Variants in CHODL observed in about 807,000 individuals in gnomAD.
The protein encoded by CHODL is chondrolectin, also known as transmembrane protein MT75.
Under a neutral mutation model 34.5 loss-of-function variants are expected in CHODL, and 29 were observed. The observed-to-expected ratio is 0.84, with a 90% CI of 0.63 to 1.15. The LOEUF (loss-of-function observed/expected upper bound fraction) is 1.15, where lower values mean the gene tolerates loss of function less well. Among genes scored for constraint, CHODL ranks in the 50% most tolerant of loss-of-function variants. The pLI, the probability that CHODL is intolerant of heterozygous loss-of-function variation, is 0.00. For synonymous variants in CHODL, 125 were observed against 116.1 expected (o/e 1.08, Z -0.49); for missense variants, 332 against 332.5 (o/e 1.00, Z 0.01).
intron 2 of CHODL, among the ~76,000 whole-genome samples, chr21:18,164,090 A>G (rs2073127138): frequency 6.6e-6 from 1 of 152,204 alleles, no homozygotes; most frequent in Non-Finnish European, 1.5e-5. Context: ...TCCAGGCATC[A>G]GCACTATTCC....
chr21:18,021,503 T>C (rs1163620329), intron 1 of CHODL, among the ~76,000 whole-genome samples: 7 of 152,194 alleles, frequency 4.6e-5, no homozygotes, highest in Admixed American at 4.6e-4. Context: ...TGGAGTGAAG[T>C]AGACTAGTTC....
chr21:18,010,173 T>C (rs1327604280), intron 1 of CHODL, among the ~76,000 whole-genome samples: 2 of 137,776 alleles, frequency 1.5e-5, no homozygotes, highest in Non-Finnish European at 3.1e-5. Flanking sequence ...TGGCGGGCCC[T>C]GTAGTCCCAG....
intron 1 of CHODL, among the ~76,000 whole-genome samples, chr21:17,918,938 A>G (rs1213094236): frequency 6.6e-6 from 1 of 152,216 alleles, no homozygotes; most frequent in African/African-American, 2.4e-5. Flanking sequence ...CAAATCAGAA[A>G]TCCAGCAGGG....
Position 18,045,766 on chromosome 21 carries a change from T to C in CHODL, c.-45+17795T>C, listed in dbSNP as rs79640224. On this transcript the variant is annotated intron_variant, in intron 2 of 6. Coordinates refer to the CHODL transcript ENST00000400127. ...AGAGCACTTATGAATGAACTAGTAA[T>C]CTTACAATTGACTAGAAGGAACTAG... Among the ~76,000 whole-genome samples, 1,024 of 152,006 alleles carry C rather than the reference T, an allele frequency of 6.7e-3. 7 individuals carry two copies. The highest frequency in any genetic ancestry group is 0.023 in the African/African-American group (944 of 41,514).
At chr21:18,141,779 G>T (rs1465968229) in intron 2 of CHODL, among the ~76,000 whole-genome samples, 1 of 151,356 alleles carries the variant, frequency 6.6e-6, no homozygotes, top group African/African-American at 2.4e-5. Context: ...TCCTACATTT[G>T]TAGATCAGCA....
In CHODL at chr21:18,092,477, G is replaced by A. The variant is rs112965034; in HGVS notation, c.-45+64506G>A. Among the ~76,000 whole-genome samples the A allele has an allele frequency of 1.3e-3, 205 of 152,292 alleles. 1 individual carries two copies. Among genetic ancestry groups the A allele is most frequent in the Admixed American group, 3.9e-3 (59 of 15,286 alleles). ...CCAGGAAAACAAGACCTCACCAAAT[G>A]ATCTAAATAAGGCACCAGGGACTAA... On this transcript the variant is annotated intron_variant, in intron 2 of 6. Transcript: ENST00000400127.
chr21:17,965,528 C>T (rs972333490), intron 1 of CHODL, among the ~76,000 whole-genome samples: 27 of 152,120 alleles, frequency 1.8e-4, no homozygotes, highest in African/African-American at 5.6e-4. Flanking sequence ...TGAAATGCCA[C>T]CTCTGCCACT....
At chr21:18,147,595 T>C (rs1487437248) in intron 2 of CHODL, among the ~76,000 whole-genome samples, 1 of 152,246 alleles carries the variant, frequency 6.6e-6, no homozygotes, top group African/African-American at 2.4e-5. Flanking sequence ...ATAATGTTGA[T>C]TGTTTTATTT....
intron 2 of CHODL, among the ~76,000 whole-genome samples, chr21:18,071,652 C>G (rs1201689257): frequency 6.6e-6 from 1 of 152,108 alleles, no homozygotes; most frequent in Non-Finnish European, 1.5e-5. Context: ...TAGAATTTCC[C>G]CTGAACTCCA....
At chr21:17,934,107 C>T (rs1025179357) in intron 1 of CHODL, among the ~76,000 whole-genome samples, 3 of 150,802 alleles carry the variant, frequency 2.0e-5, no homozygotes, top group African/African-American at 4.9e-5. Flanking sequence ...GAGTGAGGGT[C>T]GAAAAATTAC....
At chr21:18,236,365 A>G (rs760580464) in intron 2 of CHODL, among the ~76,000 whole-genome samples, 64 of 152,236 alleles carry the variant, frequency 4.2e-4, no homozygotes, top group Non-Finnish European at 5.6e-4. Context: ...CTACAATTCA[A>G]GATGAGACTT....
chr21:17,955,908 A>G (rs372690897), intron 1 of CHODL, among the ~76,000 whole-genome samples: 1 of 136,850 alleles, frequency 7.3e-6, no homozygotes, highest in Non-Finnish European at 1.7e-5. Flanking sequence ...TGTCTCAGAA[A>G]AGAGCTTCAG....
chr21:18,153,198 A>G (rs1050577457), intron 2 of CHODL, among the ~76,000 whole-genome samples: 3 of 152,152 alleles, frequency 2.0e-5, no homozygotes, highest in Non-Finnish European at 4.4e-5. Context: ...TCTGAGTTTC[A>G]TGCAGCCAAA....
intron 2 of CHODL, among the ~76,000 whole-genome samples, chr21:18,106,745 T>C (rs565842946): frequency 3.9e-4 from 59 of 152,282 alleles, no homozygotes; most frequent in African/African-American, 1.3e-3. Flanking sequence ...TCCACCTGCC[T>C]TGGCCTCCCA....
chr21:18,059,601 G>T (rs1277265973), intron 2 of CHODL, among the ~76,000 whole-genome samples: 1 of 151,420 alleles, frequency 6.6e-6, no homozygotes, highest in East Asian at 2.0e-4. Flanking sequence ...CATCACCTTG[G>T]TATTAAGCCC....
At chr21:17,949,285 T>G (rs2063437173) in intron 1 of CHODL, among the ~76,000 whole-genome samples, 1 of 152,186 alleles carries the variant, frequency 6.6e-6, no homozygotes, top group Non-Finnish European at 1.5e-5. Flanking sequence ...TTAAATTGTC[T>G]GAGTGAGAAG....
chr21:18,254,218 T>C (rs547955959), intron 1 of CHODL, among the ~76,000 whole-genome samples: 1 of 151,482 alleles, frequency 6.6e-6, no homozygotes, highest in Admixed American at 6.6e-5. Context: ...ATTGATAGGC[T>C]ACACAATTAA....
intron 1 of CHODL, among the ~76,000 whole-genome samples, chr21:17,956,304 C>T (rs1376943960): frequency 7.4e-6 from 1 of 134,614 alleles, no homozygotes; most frequent in African/African-American, 2.5e-5. Context: ...CTTCTCCTGC[C>T]ATGACACGCC....
chr21:18,154,343 T>C (rs1398408069), intron 2 of CHODL, among the ~76,000 whole-genome samples: 1 of 152,144 alleles, frequency 6.6e-6, no homozygotes, highest in African/African-American at 2.4e-5. Flanking sequence ...TCATCAAAGA[T>C]GGGAGCTGAC....
Sources: gnomAD v4.1 joint callset for allele counts (sites outside exome capture counted in the v4.1 genomes callset) on GRCh38, gnomAD v4.1.1 for gene constraint, MANE v1.5 for transcripts, NCBI Gene and HGNC (gene_info 2026-07-23, HGNC 2026-07-21) for gene names.